The following MERTK variants were observed in gnomAD, a reference collection of about 807,000 sequenced individuals.
The protein encoded by MERTK is MER proto-oncogene, tyrosine kinase, also known as tyrosine-protein kinase Mer.
A neutral mutation model predicts 99.3 loss-of-function variants in MERTK; 69 were observed. The ratio of observed to expected loss-of-function variants is 0.70; its 90% CI spans 0.57 to 0.85. The LOEUF (loss-of-function observed/expected upper bound fraction) is 0.85, where lower values mean the gene tolerates loss of function less well. Ranked by LOEUF, MERTK falls within the 40% of genes least tolerant of loss-of-function variation. MERTK has a pLI of 0.00. For synonymous variants in MERTK, 426 were observed against 467.6 expected, an observed-to-expected ratio of 0.91 and a Z score of 1.15; for missense variants, 1,125 against 1,249.4, an observed-to-expected ratio of 0.90 and a Z score of 1.50.
At chr2:111,932,835 T>C (rs543601104) in intron 2 of MERTK, among the ~76,000 whole-genome samples, 2 of 152,150 alleles carry the variant, frequency 1.3e-5, no homozygotes, top group African/African-American at 2.4e-5. Flanking sequence ...GGTTGGAATG[T>C]CTCTGGTCAG....
In MERTK at chr2:112,029,365, G is replaced by A; in HGVS notation, c.*501G>A. 2 of 937,476 alleles carry A rather than the reference G, an allele frequency of 2.1e-6. No individual in the cohort carries two copies. Among genetic ancestry groups the A allele is most frequent in the Non-Finnish European group, 2.5e-6 (2 of 785,872 alleles). 58.1% of individuals were successfully genotyped at this position (937,476 alleles called of 1,614,324 possible). A position where few individuals can be genotyped will look rare whatever the true frequency, so the allele number is the denominator to read the frequency against. On this transcript the variant is annotated 3_prime_UTR_variant, in exon 19 of 19. Coordinates refer to ENST00000295408, the MANE Select transcript of MERTK (RefSeq NM_006343.3). Reference sequence around the variant, plus strand: ...GGCTTCCTAATAAAATATGAATAAGGAAGGATATGTTGAACTTACTTGAGA... The same window carrying A: ...GGCTTCCTAATAAAATATGAATAAGAAAGGATATGTTGAACTTACTTGAGA...
intron 15 of MERTK, among the ~76,000 whole-genome samples, chr2:112,014,956 G>A (rs1038653810): frequency 1.3e-5 from 2 of 152,136 alleles, no homozygotes; most frequent in Admixed American, 1.3e-4. Flanking sequence ...AACCTTTTGA[G>A]ACTGGCTTCC....
intron 18 of MERTK, among the ~76,000 whole-genome samples, chr2:112,027,176 T>TAC (rs541453305): frequency 0.054 from 8,074 of 149,136 alleles, 244 homozygotes; most frequent in African/African-American, 0.084. Flanking sequence ...TATATATATA[T>TAC]ACACACACAC....
intron 9 of MERTK, chr2:111,994,969 T>G (rs1245288218): frequency 9.0e-6 from 2 of 223,316 alleles, no homozygotes; most frequent in African/African-American, 4.6e-5. Flanking sequence ...CTTTACTTAT[T>G]GAACTTAGTT....
intron 7 of MERTK, among the ~76,000 whole-genome samples, chr2:111,979,457 CA>C (rs1300315290): frequency 2.6e-5 from 4 of 151,822 alleles, no homozygotes; most frequent in Non-Finnish European, 4.4e-5. Context: ...CTGTGATGTG[CA>C]ATTTGTTTTG....
chr2:111,960,130 T>G (rs975020801), intron 4 of MERTK, among the ~76,000 whole-genome samples: 1 of 152,096 alleles, frequency 6.6e-6, no homozygotes, highest in African/African-American at 2.4e-5. Context: ...GACCATATTT[T>G]GAGAATGGTT....
In MERTK at chr2:112,006,852, TTAGAAAAATTTTTAAATTTTTC is replaced by T. The variant is rs538764747; in HGVS notation, c.1868-1528_1868-1507del. ...TGCAGATGTATAGATTTTCTTTTAA[TTAGAAAAATTTTTAAATTTTTC>T]TAAATTTCCTTCAGTAGAAAGAAGA... is the stretch of plus-strand genomic sequence containing the variant. On this transcript the variant is annotated intron_variant, in intron 13 of 18. Coordinates refer to ENST00000295408, the MANE Select transcript of MERTK (RefSeq NM_006343.3). 1.2e-4 allele frequency among the ~76,000 whole-genome samples: 19 copies of T among 152,206 alleles called. No homozygotes were observed. In the East Asian group the frequency reaches 2.9e-3, roughly 23 times the overall value.
intron 7 of MERTK, among the ~76,000 whole-genome samples, chr2:111,976,243 A>T (rs989231529): frequency 6.6e-6 from 1 of 152,194 alleles, no homozygotes; most frequent in Non-Finnish European, 1.5e-5. Flanking sequence ...AAGCTCTCTG[A>T]ACCCTGTTCT....
At chr2:111,906,854 C>T (rs895364135) in intron 1 of MERTK, among the ~76,000 whole-genome samples, 23 of 152,334 alleles carry the variant, frequency 1.5e-4, no homozygotes, top group Admixed American at 5.9e-4. Context: ...GCAGGGACAG[C>T]TGGGGTATAG....
At chr2:111,911,687 GC>G (rs1161210810) in intron 1 of MERTK, among the ~76,000 whole-genome samples, 2 of 112,860 alleles carry the variant, frequency 1.8e-5, no homozygotes, top group South Asian at 3.0e-4. Flanking sequence ...ATAGCGCCCA[GC>G]CTTTTTTTTT....
At chr2:111,932,558 A>T (rs984718517) in intron 2 of MERTK, among the ~76,000 whole-genome samples, 5 of 152,224 alleles carry the variant, frequency 3.3e-5, no homozygotes, top group African/African-American at 9.6e-5. Context: ...CAACTTTATT[A>T]AGATAATGTT....
intron 10 of MERTK, among the ~76,000 whole-genome samples, chr2:111,997,719 T>C (rs1444837133): frequency 1.3e-5 from 2 of 152,202 alleles, no homozygotes; most frequent in Non-Finnish European, 2.9e-5. Context: ...CCTTTGCTAC[T>C]CAAACTGGAT....
rs1056398330 is a variant in MERTK at position 112,012,992 on chromosome 2, G to A, written c.2079+2926G>A. 6.6e-5 allele frequency among the ~76,000 whole-genome samples: 10 copies of A among 152,076 alleles called. No homozygotes were observed. The South Asian group carries it at 8.3e-4, about 13-fold the overall frequency. ...CCAGCTGACGTTGTTGGTATCTTAC[G>A]CCTGTGTGTGATGGAGGGGAGGGTA... On this transcript the variant is annotated intron_variant, in intron 15 of 18. Coordinates refer to ENST00000295408, the MANE Select transcript of MERTK (RefSeq NM_006343.3).
intron 7 of MERTK, 60 bp from the exon 8 acceptor site, chr2:111,982,782 G>A: frequency 3.8e-6 from 6 of 1,587,588 alleles, no homozygotes; most frequent in Middle Eastern, 3.8e-4. Context: ...AAACCCAGAT[G>A]AGAATACATC....
chr2:111,982,760 C>A, intron 7 of MERTK, 82 bp from the exon 8 acceptor site: 1 of 1,509,928 alleles, frequency 6.6e-7, no homozygotes, highest in Non-Finnish European at 9.2e-7. Context: ...CATTTGAAAA[C>A]CAAACACTTG....
At chr2:111,951,840 TAATA>T (rs1227697716) in intron 4 of MERTK, among the ~76,000 whole-genome samples, 1 of 152,122 alleles carries the variant, frequency 6.6e-6, no homozygotes, top group Non-Finnish European at 1.5e-5. Flanking sequence ...ACTTATGTAC[TAATA>T]AATAGCATAT....
chr2:112,007,111 C>T (rs1028035635), intron 13 of MERTK, among the ~76,000 whole-genome samples: 5 of 152,146 alleles, frequency 3.3e-5, no homozygotes, highest in Non-Finnish European at 7.3e-5. Flanking sequence ...GAACCATATT[C>T]ATAATGTTAT....
chr2:112,008,176 C>T (rs1330003367), intron 13 of MERTK, among the ~76,000 whole-genome samples: 1 of 151,960 alleles, frequency 6.6e-6, no homozygotes, highest in East Asian at 1.9e-4. Context: ...TATTTCTTGG[C>T]CCCAAAAGTC....
At chr2:111,958,218 T>G (rs1573600164) in intron 4 of MERTK, among the ~76,000 whole-genome samples, 1 of 152,072 alleles carries the variant, frequency 6.6e-6, no homozygotes, top group East Asian at 1.9e-4. Flanking sequence ...CTTAGGGAGT[T>G]GGATGCTTTT....
Sources: gnomAD v4.1 joint callset for allele counts (sites outside exome capture counted in the v4.1 genomes callset) on GRCh38, gnomAD v4.1.1 for gene constraint, MANE v1.5 for transcripts, NCBI Gene and HGNC (gene_info 2026-07-23, HGNC 2026-07-21) for gene names.